CACNA1I: variants seen among roughly 807,000 people sequenced by gnomAD.
The protein encoded by CACNA1I is voltage-dependent T-type calcium channel subunit alpha-1I.
A neutral mutation model predicts 201.6 loss-of-function variants in CACNA1I; 74 were observed. That is an observed-to-expected ratio of 0.37 (90% CI 0.30 to 0.45). CACNA1I has a LOEUF of 0.45. CACNA1I is among the 20% of genes least tolerant of loss of function. The probability of loss-of-function intolerance (pLI) is 1.00; values close to 1 mark genes in which losing one functional copy is unlikely to be tolerated. For synonymous variants in CACNA1I, 1,431 were observed against 1,345.2 expected (o/e 1.06, Z -1.40); for missense variants, 2,346 against 3,138.1 (o/e 0.75, Z 6.03).
At chr22:39,681,550 G>A (rs1050225207) in intron 34 of CACNA1I, among the ~76,000 whole-genome samples, 2 of 152,206 alleles carry the variant, frequency 1.3e-5, no homozygotes, top group African/African-American at 4.8e-5. Context: ...TCCAAGAAGT[G>A]GGGCGATGCT....
chr22:39,654,972 C>T (rs1934767525), intron 10 of CACNA1I, among the ~76,000 whole-genome samples: 1 of 151,848 alleles, frequency 6.6e-6, no homozygotes, highest in Non-Finnish European at 1.5e-5. Context: ...ACTGGGGCCT[C>T]ATCAGAAAAG....
intron 3 of CACNA1I, 29 bp from the exon 4 acceptor site, chr22:39,619,281 A>C: frequency 2.6e-6 from 4 of 1,546,096 alleles, no homozygotes; most frequent in Non-Finnish European, 3.6e-6. Flanking sequence ...CTCCAGCACC[A>C]TCCCTCACTC....
chr22:39,589,310 G>A (rs1046645526), intron 1 of CACNA1I, among the ~76,000 whole-genome samples: 19 of 152,192 alleles, frequency 1.2e-4, no homozygotes, highest in African/African-American at 4.3e-4. Context: ...CATTTCTCCT[G>A]GGTATGCACC....
At position 39,642,825 on chromosome 22, in the gene CACNA1I, T is replaced by A. The variant is rs1934384160; in HGVS notation, c.1085T>A (p.Ile362Asn). 1 of 1,611,658 alleles carries A rather than the reference T, an allele frequency of 6.2e-7. No individual in the cohort carries two copies. The highest frequency in any genetic ancestry group is 8.5e-7 in the Non-Finnish European group (1 of 1,178,864). Residue 362 changes from isoleucine (I) to asparagine (N), a missense_variant, in exon 7 of 37, where the codon ATC becomes AAC. By Grantham distance (149) the Ile-to-Asn change is moderately radical. This residue lies in a region of CACNA1I where 227 missense variants were observed against 412.5 expected (regional missense o/e 0.55). Transcript: ENST00000402142. The stretch of plus-strand genomic sequence containing the variant: ...ATCACTCTGGAAGGCTGGGTGGAGA[T>A]CATGTACTACGTGATGGATGCTCAC... ...QVITLEGWVEIMYYVMDAHSF... is the reference protein window; with the variant it reads ...QVITLEGWVENMYYVMDAHSF...
intron 1 of CACNA1I, among the ~76,000 whole-genome samples, chr22:39,572,908 C>T (rs780039585): frequency 7.9e-5 from 12 of 152,144 alleles, no homozygotes; most frequent in Non-Finnish European, 1.3e-4. Flanking sequence ...AGGCACCCAC[C>T]GCCATGCCCT....
chr22:39,638,490 T>G (rs536623717), intron 5 of CACNA1I, among the ~76,000 whole-genome samples: 1 of 152,342 alleles, frequency 6.6e-6, no homozygotes, highest in East Asian at 1.9e-4. Flanking sequence ...CACTTATTCT[T>G]TCCCATGCTG....
intron 18 of CACNA1I, among the ~76,000 whole-genome samples, 180 bp from the exon 19 acceptor site, chr22:39,663,538 G>A (rs1433857423): frequency 6.6e-6 from 1 of 152,204 alleles, no homozygotes; most frequent in East Asian, 1.9e-4. Context: ...TATGGTCAGA[G>A]GAGGCAGCGC....
At chr22:39,617,178 A>C (rs914073976) in intron 3 of CACNA1I, among the ~76,000 whole-genome samples, 24 of 152,196 alleles carry the variant, frequency 1.6e-4, no homozygotes, top group Non-Finnish European at 2.9e-4. Context: ...TTTTCTGTCT[A>C]CCCATCCATC....
chr22:39,595,496 G>A (rs1932871749), intron 1 of CACNA1I, among the ~76,000 whole-genome samples: 1 of 151,668 alleles, frequency 6.6e-6, no homozygotes, highest in Non-Finnish European at 1.5e-5. Flanking sequence ...ATAGTGGCAG[G>A]CGCCTGTAAT....
chr22:39,587,880 G>T (rs1932775141), intron 1 of CACNA1I: 1 of 312,454 alleles, frequency 3.2e-6, no homozygotes, highest in Admixed American at 4.1e-5. Flanking sequence ...GGTTCAAGCA[G>T]TTCTCCTGCC....
intron 1 of CACNA1I, among the ~76,000 whole-genome samples, chr22:39,575,917 GAA>G (rs1932330385): frequency 6.6e-6 from 1 of 152,102 alleles, no homozygotes; most frequent in Non-Finnish European, 1.5e-5. Context: ...TGGAATTACA[GAA>G]GCGCACCACC....
chr22:39,586,289 A>G (rs978725518), intron 1 of CACNA1I, among the ~76,000 whole-genome samples: 1 of 152,138 alleles, frequency 6.6e-6, no homozygotes, highest in African/African-American at 2.4e-5. Context: ...CAGGAGTTCC[A>G]GACCAGCCTG....
chr22:39,655,615 T>G (rs1340951325), intron 10 of CACNA1I, among the ~76,000 whole-genome samples: 1 of 152,168 alleles, frequency 6.6e-6, no homozygotes, highest in Non-Finnish European at 1.5e-5. Context: ...CCTGTCTCCA[T>G]GTCTCCATCT....
intron 14 of CACNA1I, 113 bp from the exon 15 acceptor site, chr22:39,660,229 TCA>T: frequency 1.4e-6 from 1 of 726,862 alleles, no homozygotes; most frequent in East Asian, 2.7e-5. Flanking sequence ...TTTCCAAACC[TCA>T]GTTTTCCCAT....
chr22:39,619,400 C>A lies in CACNA1I; in HGVS notation c.573C>A (p.Arg191=), dbSNP rs764399264. ...TGAGGCCCCTCAAAGCCATCAACCG[C>A]GTGCCCAGTGAGTCAGCCCCGCCCT... The part of the protein sequence containing the change: ...RVLRPLKAIN[R]VPSMRILVNL... The change falls in exon 4 of 37, where the codon CGC becomes CGA. Residue 191 remains arginine, a synonymous_variant. Transcript: ENST00000402142. 6.2e-7 allele frequency: 1 copy of A among 1,606,746 alleles called. No homozygotes were observed. The highest frequency in any genetic ancestry group is 8.5e-7 in the Non-Finnish European group (1 of 1,178,834).
At chr22:39,664,265 C>T in intron 20 of CACNA1I, 106 bp downstream of exon 20, 1 of 942,542 alleles carries the variant, frequency 1.1e-6, no homozygotes. Context: ...GGCTTCATTT[C>T]ACTCGTAGCC....
Position 39,659,395 on chromosome 22 carries a change from C to G in CACNA1I, c.2331-38C>G. On this transcript the variant is annotated intron_variant, in intron 12 of 36. Transcript: ENST00000402142. The surrounding 1 kb of genome is among the most constrained non-coding windows in gnomAD (Gnocchi z 4.3). ...AACAAGGTGAGTAGGCAGTTTGGTG[C>G]ATGTGAGTCCGATGAGCCTCTTCCA... The G allele has an allele frequency of 7.5e-7, 1 of 1,330,380 alleles. No homozygotes were observed. The highest frequency in any genetic ancestry group is 1.1e-6 in the Non-Finnish European group (1 of 945,168). 82.4% of individuals were successfully genotyped at this position (1,330,380 alleles called of 1,614,324 possible).
At position 39,670,919 on chromosome 22, in the gene CACNA1I, G is replaced by A. The variant is rs772849213; in HGVS notation, c.4504G>A (p.Val1502Ile). The change falls in exon 26 of 37, where the codon GTC becomes ATC. Residue 1502 changes from valine (V) to isoleucine (I), a missense_variant. By Grantham distance (29) the Val-to-Ile change is conservative. Around this residue, in one of 13 missense-constraint regions of CACNA1I, gnomAD observed 228 missense variants for 395.7 expected, o/e 0.58. Transcript: ENST00000402142. The part of the protein sequence containing the change: ...FITFIICLNV[V>I]TMSLEHYNQP... ...CACCTTCATCATCTGCCTCAACGTG[G>A]TCACCATGTCCCTGGAGCACTACAA... The A allele has an allele frequency of 5.6e-6, 9 of 1,613,756 alleles. No individual in the cohort carries two copies. The African/African-American group carries it at 1.2e-4, about 22-fold the overall frequency.
At position 39,685,989 on chromosome 22, in the gene CACNA1I, A is replaced by C; in HGVS notation, c.6256A>C (p.Ser2086Arg). The C allele has an allele frequency of 1.6e-6, 2 of 1,246,638 alleles. No homozygotes were observed. Among genetic ancestry groups the C allele is most frequent in the Middle Eastern group, 3.1e-4 (1 of 3,236 alleles). 77.2% of individuals were successfully genotyped at this position (1,246,638 alleles called of 1,614,324 possible). Residue 2086 changes from serine to arginine, a missense_variant, in exon 37 of 37, where the codon AGC (serine) becomes CGC (arginine). By Grantham distance (110) the Ser-to-Arg change is moderately radical. Around this residue, in one of 13 missense-constraint regions of CACNA1I, gnomAD observed 441 missense variants for 555.6 expected, o/e 0.79. Coordinates refer to ENST00000402142, the MANE Select transcript of CACNA1I (RefSeq NM_021096.4). The surrounding 1 kb of genome is among the most constrained non-coding windows in gnomAD (Gnocchi z 5.0). The part of the protein sequence containing the change: ...SLRGLRAHQR[S>R]HSSGGSTSPG... ...GCGGGGGCTGCGGGCGCATCAGCGC[A>C]GCCACAGCAGCGGGGGCTCCACCAG...
Sources: allele counts gnomAD v4.1 joint callset (sites outside exome capture counted in the v4.1 genomes callset), GRCh38; gene constraint gnomAD v4.1.1; regional missense constraint gnomAD v4.1.1; non-coding constraint Gnocchi (gnomAD v3.1); transcripts MANE v1.5; gene names NCBI Gene and HGNC (gene_info 2026-07-23, HGNC 2026-07-21).